Variants in MAD1L1 observed in about 807,000 individuals in gnomAD.
MAD1L1 encodes mitotic spindle assembly checkpoint protein MAD1.
Under a neutral mutation model 96.9 loss-of-function variants are expected in MAD1L1, and 95 were observed. The ratio of observed to expected loss-of-function variants is 0.98; its 90% CI spans 0.83 to 1.16. The LOEUF is 1.16. Among genes scored for constraint, MAD1L1 ranks in the 50% most tolerant of loss-of-function variants. The pLI is 0.00. For missense variants in MAD1L1, 1,007 were observed against 954.4 expected (o/e 1.06, Z -0.73); for synonymous variants, 473 against 396.6 (o/e 1.19, Z -2.29).
chr7:2,194,157 A>G (rs905432595), intron 10 of MAD1L1, among the ~76,000 whole-genome samples: 1 of 151,834 alleles, frequency 6.6e-6, no homozygotes, highest in Non-Finnish European at 1.5e-5. Context: ...AGGTCTCACT[A>G]TGTTGCCCAG....
intron 10 of MAD1L1, among the ~76,000 whole-genome samples, chr7:2,174,392 C>T (rs1247808790): frequency 1.3e-5 from 2 of 152,186 alleles, no homozygotes; most frequent in Admixed American, 6.5e-5. Context: ...GGTCCAGCAA[C>T]ATGCCATGGC....
chr7:2,014,399 G>A (rs1782437073), intron 13 of MAD1L1, 103 bp downstream of exon 13: 11 of 1,399,354 alleles, frequency 7.9e-6, no homozygotes, highest in Non-Finnish European at 1.0e-5. Flanking sequence ...GGGAACTGGG[G>A]AGGCGGGGTC....
chr7:2,040,459 G>A (rs1402543063), intron 12 of MAD1L1, among the ~76,000 whole-genome samples: 1 of 152,166 alleles, frequency 6.6e-6, no homozygotes, highest in African/African-American at 2.4e-5. Context: ...TATTCTCTCT[G>A]CTGTTCAGAA....
intron 11 of MAD1L1, among the ~76,000 whole-genome samples, chr7:2,140,627 G>A (rs1240686489): frequency 6.6e-6 from 1 of 152,238 alleles, no homozygotes; most frequent in African/African-American, 2.4e-5. Flanking sequence ...CCGCATCCCA[G>A]CACGAGGCCA....
intron 10 of MAD1L1, among the ~76,000 whole-genome samples, chr7:2,198,017 G>A (rs1410764063): frequency 6.6e-6 from 1 of 151,034 alleles, no homozygotes; most frequent in African/African-American, 2.4e-5. Flanking sequence ...GCCCAGGACG[G>A]GGCAACCACA....
chr7:1,871,832 G>C (rs1182965812), intron 18 of MAD1L1, among the ~76,000 whole-genome samples: 2 of 152,200 alleles, frequency 1.3e-5, no homozygotes, highest in Non-Finnish European at 2.9e-5. Flanking sequence ...AGGGCCAGCA[G>C]CTCGGAGCCC....
chr7:2,120,845 G>A (rs1386847717), intron 11 of MAD1L1, among the ~76,000 whole-genome samples: 2 of 152,200 alleles, frequency 1.3e-5, no homozygotes, highest in African/African-American at 2.4e-5. Context: ...CGTTTCCAAG[G>A]CTGCAGGCAG....
intron 11 of MAD1L1, among the ~76,000 whole-genome samples, chr7:2,118,808 A>G: frequency 6.6e-6 from 1 of 152,170 alleles, no homozygotes; most frequent in South Asian, 2.1e-4. Flanking sequence ...CATATCTCAC[A>G]GGCATTTCAC....
At chr7:2,069,644 G>A (rs989864585) in intron 11 of MAD1L1, among the ~76,000 whole-genome samples, 4 of 152,342 alleles carry the variant, frequency 2.6e-5, no homozygotes, top group Non-Finnish European at 4.4e-5. Context: ...CTGAATGAGC[G>A]AGATTGCAGA....
intron 6 of MAD1L1, among the ~76,000 whole-genome samples, chr7:2,219,109 G>A (rs191088008): frequency 2.6e-5 from 4 of 152,078 alleles, no homozygotes; most frequent in African/African-American, 7.2e-5. Flanking sequence ...TAAGAAGGAG[G>A]GGGAGGAAGT....
chr7:2,206,542 A>G (rs1391271615), intron 10 of MAD1L1, among the ~76,000 whole-genome samples: 3 of 152,208 alleles, frequency 2.0e-5, no homozygotes, highest in African/African-American at 7.2e-5. Flanking sequence ...CCTCGGTGAA[A>G]AGATTCTTTC....
At chr7:1,954,232 C>T (rs7785679) in intron 16 of MAD1L1, among the ~76,000 whole-genome samples, 130,907 of 152,114 alleles carry the variant, frequency 0.86, 57,650 homozygotes, top group Non-Finnish European at 0.96. Flanking sequence ...TGCAGGGCCC[C>T]CCAGGAGCCA....
chr7:1,879,800 G>A (rs1785583488), intron 18 of MAD1L1, among the ~76,000 whole-genome samples: 1 of 152,172 alleles, frequency 6.6e-6, no homozygotes, highest in South Asian at 2.1e-4. Context: ...GCGCGATCTC[G>A]GCTCACTGCA....
At chr7:1,820,753 TAGAA>T (rs1031597023) in intron 18 of MAD1L1, among the ~76,000 whole-genome samples, 4 of 151,022 alleles carry the variant, frequency 2.6e-5, no homozygotes, top group African/African-American at 7.3e-5. Context: ...AAAAATTTGT[TAGAA>T]AGACCAGCAA....
chr7:2,198,278 G>A (rs1792097068), intron 10 of MAD1L1, among the ~76,000 whole-genome samples: 1 of 152,232 alleles, frequency 6.6e-6, no homozygotes, highest in African/African-American at 2.4e-5. Context: ...GTGCCAGGAA[G>A]AGCCAGCAGG....
At chr7:1,933,865 C>A (rs374479138) in intron 17 of MAD1L1, among the ~76,000 whole-genome samples, 1 of 152,188 alleles carries the variant, frequency 6.6e-6, no homozygotes, top group Non-Finnish European at 1.5e-5. Flanking sequence ...CCTCCCCTAA[C>A]GCCACTTGCA....
chr7:2,220,201 G>C (rs148982732), intron 5 of MAD1L1, among the ~76,000 whole-genome samples: 13 of 152,200 alleles, frequency 8.5e-5, no homozygotes, highest in Admixed American at 7.9e-4. Flanking sequence ...GAGGCCGTGC[G>C]CTTGGAACGG....
At chr7:1,997,613 C>A (rs1203737107) in intron 14 of MAD1L1, among the ~76,000 whole-genome samples, 1 of 152,282 alleles carries the variant, frequency 6.6e-6, no homozygotes, top group Non-Finnish European at 1.5e-5. Context: ...CAGGAACATG[C>A]ACCTGTAACC....
chr7:1,999,077 C>T (rs961534412), intron 14 of MAD1L1, among the ~76,000 whole-genome samples: 13 of 152,222 alleles, frequency 8.5e-5, no homozygotes, highest in Non-Finnish European at 1.6e-4. Context: ...AACCCGCTCA[C>T]TGAAGCAGGA....
Sources: allele counts gnomAD v4.1 joint callset (sites outside exome capture counted in the v4.1 genomes callset), GRCh38; gene constraint gnomAD v4.1.1; transcripts MANE v1.5; gene names NCBI Gene and HGNC (gene_info 2026-07-23, HGNC 2026-07-21).